Variants in PAK2 observed in about 807,000 individuals in gnomAD.
The protein encoded by PAK2 is p21 (RAC1) activated kinase 2.
A neutral mutation model predicts 65.9 loss-of-function variants in PAK2; 21 were observed. That is an observed-to-expected ratio of 0.32 (90% CI 0.23 to 0.46). The LOEUF (loss-of-function observed/expected upper bound fraction) is 0.46, where lower values mean the gene tolerates loss of function less well. Ranked by LOEUF, PAK2 falls within the 20% of genes least tolerant of loss-of-function variation. PAK2 has a pLI of 1.00. For synonymous variants in PAK2, 204 were observed against 219.7 expected (o/e 0.93, Z 0.63); for missense variants, 324 against 642.6 (o/e 0.50, Z 5.36).
chr3:196,750,943 T>C (rs745770659), intron 1 of PAK2, among the ~76,000 whole-genome samples: 1 of 152,200 alleles, frequency 6.6e-6, no homozygotes, highest in Non-Finnish European at 1.5e-5. Context: ...CATTAAGTAC[T>C]CACGTTGTGG....
Position 196,759,498 on chromosome 3 carries a change from G to GTTTTTTTTTTTTTTTTTTT in PAK2, c.-22+19362_-22+19380dup, listed in dbSNP as rs71301221. Among the ~76,000 whole-genome samples, 38 of 108,154 alleles carry GTTTTTTTTTTTTTTTTTTT rather than the reference G, an allele frequency of 3.5e-4. 2 individuals carry two copies. Among genetic ancestry groups the GTTTTTTTTTTTTTTTTTTT allele is most frequent in the Non-Finnish European group, 5.2e-4 (29 of 55,424 alleles). The allele number at this position is 108,154 out of a possible 152,430, so 71.0% of individuals were successfully genotyped here. A position where few individuals can be genotyped will look rare whatever the true frequency, so the allele number is the denominator to read the frequency against. On this transcript the variant is annotated intron_variant, in intron 1 of 14. Coordinates refer to ENST00000327134, the MANE Select transcript of PAK2 (RefSeq NM_002577.4). ...GGTATACAGTTAAGTGGTTTTTTTT[G>GTTTTTTTTTTTTTTTTTTT]TTTTTTTTTTTTTTTTTTTTTTTTT...
intron 1 of PAK2, among the ~76,000 whole-genome samples, chr3:196,774,063 A>G (rs1276552327): frequency 2.0e-5 from 3 of 152,148 alleles, no homozygotes; most frequent in Non-Finnish European, 4.4e-5. Context: ...AAATCTGTGG[A>G]CACAGTATGG....
chr3:196,811,188 T>C (rs1170530107), intron 8 of PAK2, among the ~76,000 whole-genome samples: 1 of 127,906 alleles, frequency 7.8e-6, no homozygotes. Flanking sequence ...AACTTCCATA[T>C]GAATTCCTTC....
intron 1 of PAK2, among the ~76,000 whole-genome samples, chr3:196,764,629 A>T (rs1235393541): frequency 2.1e-5 from 2 of 96,694 alleles, no homozygotes; most frequent in African/African-American, 3.6e-5. Flanking sequence ...AAAAAAAAAT[A>T]AATAAATAAA....
At chr3:196,785,238 GTCTTA>G (rs1278583631) in intron 2 of PAK2, among the ~76,000 whole-genome samples, 1 of 152,118 alleles carries the variant, frequency 6.6e-6, no homozygotes, top group Admixed American at 6.5e-5. Flanking sequence ...TGAAAACGTT[GTCTTA>G]TGAAACAGTT....
chr3:196,753,452 C>T (rs114784384), intron 1 of PAK2, among the ~76,000 whole-genome samples: 2,273 of 152,210 alleles, frequency 0.015, 53 homozygotes, highest in African/African-American at 0.052. Context: ...CCCCAGCCTC[C>T]CTAAGTGCTG....
At chr3:196,784,496 G>T (rs1232925472) in intron 2 of PAK2, among the ~76,000 whole-genome samples, 1 of 110,722 alleles carries the variant, frequency 9.0e-6, no homozygotes, top group African/African-American at 3.5e-5. Context: ...TTGTTCTTGC[G>T]ATAGTTTACT....
At chr3:196,752,975 GAAA>G (rs142458693) in intron 1 of PAK2, among the ~76,000 whole-genome samples, 1 of 148,460 alleles carries the variant, frequency 6.7e-6, no homozygotes, top group Non-Finnish European at 1.5e-5. Flanking sequence ...TGGGTTAAGA[GAAA>G]AAAAAATTTT....
chr3:196,762,934 A>G (rs1339101212), intron 1 of PAK2, among the ~76,000 whole-genome samples: 1 of 152,214 alleles, frequency 6.6e-6, no homozygotes, highest in African/African-American at 2.4e-5. Flanking sequence ...TTGAACATGA[A>G]AAAACATAAT....
intron 7 of PAK2, among the ~76,000 whole-genome samples, chr3:196,809,757 C>T (rs1715713798): frequency 6.6e-6 from 1 of 151,474 alleles, no homozygotes; most frequent in Non-Finnish European, 1.5e-5. Flanking sequence ...TTCTTAGCCT[C>T]TTATTATTGA....
In PAK2 at chr3:196,825,021, C is replaced by T. The variant is rs1176708415; in HGVS notation, c.1351-2175C>T. Among the ~76,000 whole-genome samples the T allele has an allele frequency of 2.0e-5, 3 of 152,076 alleles. No homozygotes were observed. In the East Asian group the frequency reaches 5.8e-4, roughly 29 times the overall value. On this transcript the variant is annotated intron_variant, in intron 13 of 14. Coordinates refer to ENST00000327134, the MANE Select transcript of PAK2 (RefSeq NM_002577.4). ...ACTATCTGTTCAATTTTCTGTAAAC[C>T]TAAAACTTCTAAAAAATTAGTCAGT...
At chr3:196,810,565 G>C (rs1715742426) in intron 7 of PAK2, 25 bp from the exon 8 acceptor site, 2 of 1,340,522 alleles carry the variant, frequency 1.5e-6, no homozygotes, top group Non-Finnish European at 2.1e-6. Context: ...GCTTGACTGA[G>C]CTTCCAGCTT....
intron 11 of PAK2, among the ~76,000 whole-genome samples, chr3:196,815,384 C>T (rs1260227594): frequency 2.0e-5 from 3 of 151,184 alleles, no homozygotes; most frequent in Non-Finnish European, 4.4e-5. Context: ...CCCAGCTACT[C>T]GCGAGGCTGA....
chr3:196,774,038 AAAC>A (rs1430859990), intron 1 of PAK2, among the ~76,000 whole-genome samples: 11 of 151,860 alleles, frequency 7.2e-5, no homozygotes, highest in South Asian at 2.1e-4. Flanking sequence ...TCTCAAAAAA[AAAC>A]AACAACAAAA....
intron 1 of PAK2, among the ~76,000 whole-genome samples, chr3:196,765,149 T>G: frequency 6.9e-6 from 1 of 145,186 alleles, no homozygotes; most frequent in East Asian, 2.0e-4. Context: ...CGGCCTTTTT[T>G]TTTTTTTTTT....
intron 1 of PAK2, among the ~76,000 whole-genome samples, chr3:196,756,985 C>A (rs1713790896): frequency 6.6e-6 from 1 of 152,222 alleles, no homozygotes. Context: ...CACACCTGAA[C>A]AAGGGAGGGG....
intron 1 of PAK2, among the ~76,000 whole-genome samples, chr3:196,776,918 A>C (rs1560100340): frequency 1.3e-5 from 2 of 152,184 alleles, no homozygotes; most frequent in Admixed American, 6.5e-5. Context: ...AGCTGTTAAA[A>C]TGCTCCTCCG....
At chr3:196,789,549 G>A (rs1049862786) in intron 2 of PAK2, among the ~76,000 whole-genome samples, 7 of 151,598 alleles carry the variant, frequency 4.6e-5, no homozygotes, top group African/African-American at 9.7e-5. Context: ...TGCAACCTCC[G>A]CCTCCTGGGT....
intron 1 of PAK2, among the ~76,000 whole-genome samples, chr3:196,773,665 T>A (rs895793004): frequency 7.2e-5 from 11 of 151,924 alleles, no homozygotes; most frequent in African/African-American, 2.7e-4. Context: ...CACCTGAGGT[T>A]AGGAGTTTGA....
Sources: allele counts gnomAD v4.1 joint callset (sites outside exome capture counted in the v4.1 genomes callset), GRCh38; gene constraint gnomAD v4.1.1; transcripts MANE v1.5; gene names NCBI Gene and HGNC (gene_info 2026-07-23, HGNC 2026-07-21).